ARHGAP23: variants seen among roughly 807,000 people sequenced by gnomAD.
ARHGAP23 encodes Rho GTPase activating protein 23.
In ARHGAP23, 34 loss-of-function variants were observed where a neutral mutation model predicts 136.3. The observed-to-expected ratio is 0.25, with a 90% CI of 0.19 to 0.33. ARHGAP23 has a LOEUF of 0.33. Among genes scored for constraint, ARHGAP23 ranks in the 10% least tolerant of loss-of-function variants. The pLI, the probability that ARHGAP23 is intolerant of heterozygous loss-of-function variation, is 1.00. For synonymous variants in ARHGAP23, 832 were observed against 920.5 expected, an observed-to-expected ratio of 0.90 and a Z score of 1.74; for missense variants, 1,808 against 2,139.0, an observed-to-expected ratio of 0.85 and a Z score of 3.05.
At chr17:38,507,055 C>G (rs1214975084) in intron 23 of ARHGAP23, among the ~76,000 whole-genome samples, 3 of 152,104 alleles carry the variant, frequency 2.0e-5, no homozygotes, top group Non-Finnish European at 4.4e-5. Context: ...GGGAGGATCA[C>G]TTGAGGCCAG....
At chr17:38,480,055 G>A (rs1280515381) in intron 14 of ARHGAP23, among the ~76,000 whole-genome samples, 172 bp downstream of exon 14, 1 of 152,070 alleles carries the variant, frequency 6.6e-6, no homozygotes, top group African/African-American at 2.4e-5. Context: ...GGGGCTCTCA[G>A]GGTCTCGGGG....
At chr17:38,434,359 C>G (rs1310592157) in intron 1 of ARHGAP23, among the ~76,000 whole-genome samples, 1 of 152,216 alleles carries the variant, frequency 6.6e-6, no homozygotes, top group Admixed American at 6.5e-5. Flanking sequence ...GGCCTTTGTC[C>G]CCAACCGCTG....
intron 10 of ARHGAP23, among the ~76,000 whole-genome samples, chr17:38,470,838 C>CA (rs1284066065): frequency 6.6e-6 from 1 of 151,938 alleles, no homozygotes; most frequent in African/African-American, 2.4e-5. Context: ...CACCTGGCCT[C>CA]AAATGATTTT....
At chr17:38,447,715 C>G (rs2039067628) in intron 1 of ARHGAP23, among the ~76,000 whole-genome samples, 1 of 152,166 alleles carries the variant, frequency 6.6e-6, no homozygotes, top group African/African-American at 2.4e-5. Flanking sequence ...TAGCTTCTTC[C>G]CTTTGAGGAG....
chr17:38,500,855 T>C, intron 23 of ARHGAP23: 3 of 586,070 alleles, frequency 5.1e-6, no homozygotes, highest in Non-Finnish European at 9.2e-6. Context: ...CTGGGAGTTA[T>C]GTGGCTAGGA....
chr17:38,467,406 C>T (rs1330880193), intron 7 of ARHGAP23, 75 bp downstream of exon 7: 1 of 1,386,518 alleles, frequency 7.2e-7, no homozygotes, highest in Non-Finnish European at 9.5e-7. Flanking sequence ...CCCCATCTGC[C>T]TGTCTGCCAT....
At position 38,467,207 on chromosome 17, in the gene ARHGAP23, G is replaced by A. The variant is rs945053923; in HGVS notation, c.1524G>A (p.Gln508=). 3.2e-6 allele frequency: 5 copies of A among 1,550,984 alleles called. No individual in the cohort carries two copies. The highest frequency in any genetic ancestry group is 4.4e-6 in the Non-Finnish European group (5 of 1,146,752). Residue 508 remains glutamine (Q), a synonymous_variant, in exon 7 of 24, where the codon CAG becomes CAA. Transcript: ENST00000622683. The part of the protein sequence containing the change: ...GRKVQLTPAR[Q]MNLGFGDESP... Reference sequence around the variant, plus strand: ...AGGTTCAGCTGACCCCCGCAAGACAGATGAACCTTGGATTTGGTGACGAGT... The same window carrying A: ...AGGTTCAGCTGACCCCCGCAAGACAAATGAACCTTGGATTTGGTGACGAGT...
chr17:38,425,175 C>A (rs927173574), upstream of ARHGAP23, among the ~76,000 whole-genome samples: 17 of 152,214 alleles, frequency 1.1e-4, no homozygotes, highest in Admixed American at 1.1e-3. Flanking sequence ...CAGCGTCACA[C>A]CCCCGCCTGT....
chr17:38,428,837 C>T (rs1257981843), intron 1 of ARHGAP23, among the ~76,000 whole-genome samples: 1 of 152,160 alleles, frequency 6.6e-6, no homozygotes, highest in Non-Finnish European at 1.5e-5. Context: ...GGTGCCAGGC[C>T]CCCAGCGGCT....
intron 17 of ARHGAP23, among the ~76,000 whole-genome samples, chr17:38,487,586 G>C (rs920058888): frequency 6.6e-6 from 1 of 152,154 alleles, no homozygotes; most frequent in Non-Finnish European, 1.5e-5. Flanking sequence ...TTACTTGAAG[G>C]CCAGGCATGG....
chr17:38,476,900 AG>A (rs988711727), intron 11 of ARHGAP23, among the ~76,000 whole-genome samples: 1 of 152,058 alleles, frequency 6.6e-6, no homozygotes, highest in Admixed American at 6.6e-5. Flanking sequence ...ACAGGTGTAG[AG>A]GGTGGGGGAG....
chr17:38,438,448 T>C (rs906950787), intron 1 of ARHGAP23, among the ~76,000 whole-genome samples: 2 of 152,006 alleles, frequency 1.3e-5, no homozygotes, highest in Non-Finnish European at 2.9e-5. Context: ...CAGCTTGGCC[T>C]CTTAAGGGAT....
At chr17:38,440,774 A>G (rs575714704) in intron 1 of ARHGAP23, among the ~76,000 whole-genome samples, 63 of 152,038 alleles carry the variant, frequency 4.1e-4, no homozygotes, top group African/African-American at 1.4e-3. Flanking sequence ...TGTGTGTCCC[A>G]CCGGGATCAC....
At chr17:38,487,280 T>C (rs1272577468) in intron 17 of ARHGAP23, among the ~76,000 whole-genome samples, 1 of 152,262 alleles carries the variant, frequency 6.6e-6, no homozygotes, top group Non-Finnish European at 1.5e-5. Flanking sequence ...ATGGTTTGAA[T>C]AGACTACAAT....
Position 38,510,913 on chromosome 17 carries a change from T to G in ARHGAP23, c.4417T>G (p.Ser1473Ala), listed in dbSNP as rs1271602162. The G allele has an allele frequency of 5.4e-6, 8 of 1,489,452 alleles. No homozygotes were observed. In the South Asian group the frequency reaches 1.0e-4, roughly 19 times the overall value. The allele number at this position is 1,489,452 out of a possible 1,614,324, so 92.3% of individuals were successfully genotyped here. Residue 1473 changes from serine (S) to alanine (A), a missense_variant, in exon 24 of 24, where the codon TCC (serine) becomes GCC (alanine). Transcript: ENST00000622683. This position sits in a 1 kb window ranked among gnomAD's most constrained non-coding sequence, Gnocchi z 4.6. Reference protein sequence around the residue: ...SQPPAPGDTGSLQSQPPRRSA... With the variant: ...SQPPAPGDTGALQSQPPRRSA... ...GCCGCCCGCGCCCGGGGACACGGGG[T>G]CCCTGCAGAGCCAGCCCCCGCGCCG... is the stretch of plus-strand genomic sequence containing the variant.
chr17:38,457,249 G>T (rs1489375939), intron 1 of ARHGAP23, among the ~76,000 whole-genome samples: 2 of 152,194 alleles, frequency 1.3e-5, no homozygotes, highest in Non-Finnish European at 2.9e-5. Flanking sequence ...ACAGGTGTGA[G>T]CCACCGCGCC....
chr17:38,432,631 A>G lies in ARHGAP23; in HGVS notation c.63+4083A>G, dbSNP rs1490618138. Among the ~76,000 whole-genome samples, 5 of 152,134 alleles carry G rather than the reference A, an allele frequency of 3.3e-5. No individual in the cohort carries two copies. In the East Asian group the frequency reaches 9.7e-4, roughly 29 times the overall value. On this transcript the variant is annotated intron_variant, in intron 1 of 23. Coordinates refer to ENST00000622683, the MANE Select transcript of ARHGAP23 (RefSeq NM_001199417.2). ...GAGAGGGAGATTGCAATGAGCCAAG[A>G]TCACGCCATTGCATTCTAGTCTGAG...
chr17:38,489,325 G>T (rs1371921310), intron 17 of ARHGAP23, among the ~76,000 whole-genome samples: 50 of 152,092 alleles, frequency 3.3e-4, no homozygotes, highest in Admixed American at 1.3e-4. Flanking sequence ...TGGCTCTGCC[G>T]TGTGATTGCA....
At chr17:38,457,432 G>T (rs2039352937) in intron 1 of ARHGAP23, 1 of 153,794 alleles carries the variant, frequency 6.5e-6, no homozygotes, top group African/African-American at 2.4e-5. Context: ...TGCTGTGCAT[G>T]TGTGTATCTG....
Sources: gnomAD v4.1 joint callset for allele counts (sites outside exome capture counted in the v4.1 genomes callset) on GRCh38, gnomAD v4.1.1 for gene constraint, Gnocchi (gnomAD v3.1) non-coding constraint, MANE v1.5 for transcripts, NCBI Gene and HGNC (gene_info 2026-07-23, HGNC 2026-07-21) for gene names.